Variants in PCDHA1 observed in about 807,000 individuals in gnomAD.
The protein encoded by PCDHA1 is protocadherin alpha 1, also known as protocadherin alpha-1.
A neutral mutation model predicts 61.3 loss-of-function variants in PCDHA1; 42 were observed. The ratio of observed to expected loss-of-function variants is 0.69; its 90% CI spans 0.54 to 0.89. The LOEUF is 0.89. Among genes scored for constraint, PCDHA1 ranks in the 40% least tolerant of loss-of-function variants. PCDHA1 has a pLI of 0.00. For missense variants in PCDHA1, 1,256 were observed against 1,235.3 expected (o/e 1.02, Z -0.25); for synonymous variants, 610 against 553.8 (o/e 1.10, Z -1.43).
At chr5:140,814,961 A>C (rs1171415447) in intron 1 of PCDHA1, 3 of 152,138 alleles carry the variant, frequency 2.0e-5, no homozygotes, top group African/African-American at 7.2e-5. Flanking sequence ...CTCTTATGAC[A>C]CTTTTTGACT....
chr5:140,861,903 A>G (rs115177043), intron 1 of PCDHA1: 3,607 of 155,014 alleles, frequency 0.023, 51 homozygotes, highest in Middle Eastern at 0.034. Flanking sequence ...AAAGCATTAT[A>G]TATCACAGCG....
At chr5:140,982,253 A>G (rs1209317234) in intron 2 of PCDHA1, 16 of 777,640 alleles carry the variant, frequency 2.1e-5, no homozygotes, top group Admixed American at 3.3e-5. Context: ...AAGATAGAAC[A>G]TGTGTGTTCC....
chr5:140,972,399 T>C (rs1554234105), intron 1 of PCDHA1, among the ~76,000 whole-genome samples: 2 of 152,062 alleles, frequency 1.3e-5, no homozygotes, highest in South Asian at 2.1e-4. Context: ...TGCTTCACTA[T>C]TGGCAAACCC....
At chr5:140,979,900 T>A (rs1554241214) in intron 2 of PCDHA1, among the ~76,000 whole-genome samples, 4 of 152,214 alleles carry the variant, frequency 2.6e-5, no homozygotes, top group Admixed American at 6.5e-5. Context: ...CAAACTTAGA[T>A]CAGTTCGTAA....
chr5:140,849,508 T>C, intron 1 of PCDHA1: 1 of 1,596,440 alleles, frequency 6.3e-7, no homozygotes, highest in South Asian at 1.1e-5. Context: ...ACACTTCTTG[T>C]GGAAGTTGTG....
intron 1 of PCDHA1, chr5:140,876,863 T>C (rs1225401565): frequency 4.3e-6 from 7 of 1,613,806 alleles, no homozygotes; most frequent in Non-Finnish European, 5.1e-6. Flanking sequence ...ACAGTGTTCG[T>C]GAAGGAGAAC....
chr5:140,883,547 G>A (rs782704587), intron 1 of PCDHA1: 2 of 1,614,234 alleles, frequency 1.2e-6, no homozygotes, highest in Admixed American at 1.7e-5. Flanking sequence ...GGTGGTGACC[G>A]CGCGGGACGG....
In PCDHA1 at chr5:140,884,002, C is replaced by G. The variant is rs1189374158; in HGVS notation, c.2395-94947C>G. 26 of 1,612,788 alleles carry G rather than the reference C, an allele frequency of 1.6e-5. No individual in the cohort carries two copies. Among genetic ancestry groups the G allele is most frequent in the Non-Finnish European group, 2.2e-5 (26 of 1,179,570 alleles). Reference sequence around the variant, plus strand: ...CTGGCAGCGCGGGAGGCACAGTGAGCGAGCTGATGCCGCGGTCGGTGGGTG... The same window carrying G: ...CTGGCAGCGCGGGAGGCACAGTGAGGGAGCTGATGCCGCGGTCGGTGGGTG... On this transcript the variant is annotated intron_variant, in intron 1 of 3. Coordinates refer to ENST00000504120, the MANE Select transcript of PCDHA1 (RefSeq NM_018900.4).
At chr5:140,837,515 A>AC (rs1373880523) in intron 1 of PCDHA1, among the ~76,000 whole-genome samples, 1 of 96,498 alleles carries the variant, frequency 1.0e-5, no homozygotes, top group African/African-American at 5.4e-5. Context: ...GAAGCAGTTT[A>AC]CTTTTTTTGT....
chr5:140,882,928 C>G (rs1554176132), intron 1 of PCDHA1: 1 of 1,614,140 alleles, frequency 6.2e-7, no homozygotes, highest in South Asian at 1.1e-5. Flanking sequence ...GAGGTAAACC[C>G]GAGCTGACTG....
intron 1 of PCDHA1, chr5:140,875,653 C>T (rs1554167829): frequency 1.2e-6 from 2 of 1,613,682 alleles, no homozygotes; most frequent in East Asian, 2.2e-5. Context: ...GGAGCTGGTG[C>T]CGCGCCTGTT....
intron 1 of PCDHA1, chr5:140,835,765 C>T: frequency 1.9e-6 from 3 of 1,613,356 alleles, no homozygotes; most frequent in Non-Finnish European, 2.5e-6. Context: ...CCCGAGTATA[C>T]GGTGTTCGTG....
At chr5:140,842,758 G>A (rs1778250066) in intron 1 of PCDHA1, 3 of 1,594,690 alleles carry the variant, frequency 1.9e-6, no homozygotes, top group Non-Finnish European at 1.7e-6. Context: ...CGGTGTCTGC[G>A]CGAGACGCGG....
At chr5:140,861,511 T>C in intron 1 of PCDHA1, 1 of 471,158 alleles carries the variant, frequency 2.1e-6, no homozygotes, top group South Asian at 1.7e-5. Flanking sequence ...CTCGAGGAGC[T>C]GTGTGGGAGG....
chr5:140,824,019 G>T, intron 1 of PCDHA1: 4 of 1,614,082 alleles, frequency 2.5e-6, no homozygotes, highest in Non-Finnish European at 3.4e-6. Context: ...GGAGCTGGTC[G>T]TACTCGCAGC....
chr5:140,803,458 G>A (rs781912049), intron 1 of PCDHA1: 3 of 1,614,230 alleles, frequency 1.9e-6, no homozygotes, highest in South Asian at 1.1e-5. Context: ...TCGCAGCAGA[G>A]GCAGCAGAGG....
At chr5:140,884,689 T>C (rs1290961484) in intron 1 of PCDHA1, 11 of 1,534,282 alleles carry the variant, frequency 7.2e-6, no homozygotes, top group Non-Finnish European at 9.6e-6. Flanking sequence ...AAAAATTGTC[T>C]TAGTAAACAC....
At position 140,795,432 on chromosome 5, in the gene PCDHA1, A is replaced by C; in HGVS notation, c.2394+6748A>C. The C allele has an allele frequency of 1.9e-6, 3 of 1,614,160 alleles. No homozygotes were observed. In the South Asian group the frequency reaches 3.3e-5, roughly 18 times the overall value. On this transcript the variant is annotated intron_variant, in intron 1 of 3. Transcript: ENST00000504120. Reference sequence around the variant, plus strand: ...TTGATTCTCGGTTTCCTCTAGAGGGAGCATCTGATGCAGATATAGGAGTAA... The same window carrying C: ...TTGATTCTCGGTTTCCTCTAGAGGGCGCATCTGATGCAGATATAGGAGTAA...
At chr5:140,829,536 C>T (rs1554132056) in intron 1 of PCDHA1, 1 of 1,613,152 alleles carries the variant, frequency 6.2e-7, no homozygotes, top group Non-Finnish European at 8.5e-7. Context: ...GCGCGAGACG[C>T]GGACGCGCAG....
Sources: allele counts gnomAD v4.1 joint callset (sites outside exome capture counted in the v4.1 genomes callset), GRCh38; gene constraint gnomAD v4.1.1; transcripts MANE v1.5; gene names NCBI Gene and HGNC (gene_info 2026-07-23, HGNC 2026-07-21).